The following ARHGAP28 variants were observed in gnomAD, a reference collection of about 807,000 sequenced individuals.
The protein encoded by ARHGAP28 is Rho GTPase activating protein 28.
In ARHGAP28, 56 loss-of-function variants were observed where a neutral mutation model predicts 90.7. That is an observed-to-expected ratio of 0.62 (90% CI 0.50 to 0.77). The LOEUF (loss-of-function observed/expected upper bound fraction) is 0.77, where lower values mean the gene tolerates loss of function less well. ARHGAP28 is among the 30% of genes least tolerant of loss of function. The probability of loss-of-function intolerance (pLI) is 0.00; values close to 1 mark genes in which losing one functional copy is unlikely to be tolerated. For synonymous variants in ARHGAP28, 308 were observed against 323.3 expected, an observed-to-expected ratio of 0.95 and a Z score of 0.51; for missense variants, 869 against 900.9, an observed-to-expected ratio of 0.96 and a Z score of 0.45.
chr18:6,899,097 T>G (rs368672532), intron 16 of ARHGAP28, among the ~76,000 whole-genome samples: 201 of 152,280 alleles, frequency 1.3e-3, no homozygotes, highest in African/African-American at 4.7e-3. Context: ...CTTTACTTGT[T>G]AGAACTATGG....
intron 1 of ARHGAP28, among the ~76,000 whole-genome samples, chr18:6,821,563 T>G (rs575569683): frequency 6.6e-6 from 1 of 152,334 alleles, no homozygotes; most frequent in East Asian, 1.9e-4. Context: ...TCATGGTTCC[T>G]TCTCCACCCT....
chr18:6,732,102 G>GT (rs58471366), intron 1 of ARHGAP28, among the ~76,000 whole-genome samples: 22 of 149,534 alleles, frequency 1.5e-4, no homozygotes, highest in Middle Eastern at 3.4e-3. Flanking sequence ...TGTTTTTAAG[G>GT]TTTTTTTTTT....
chr18:6,867,778 C>A (rs1339435810), intron 5 of ARHGAP28, among the ~76,000 whole-genome samples: 1 of 151,956 alleles, frequency 6.6e-6, no homozygotes, highest in Non-Finnish European at 1.5e-5. Flanking sequence ...TTATAATTAT[C>A]GAATTATATG....
At chr18:6,790,879 A>T (rs542194438) in intron 1 of ARHGAP28, 1 of 152,284 alleles carries the variant, frequency 6.6e-6, no homozygotes, top group Admixed American at 6.5e-5. Context: ...AAAAGAAGGA[A>T]TGAAAGAATG....
chr18:6,841,184 T>TCTCTCTCTCTCTCTC (rs2056815992), intron 3 of ARHGAP28, among the ~76,000 whole-genome samples: 1 of 54,364 alleles, frequency 1.8e-5, no homozygotes, highest in South Asian at 9.1e-4. Flanking sequence ...CTCTCTCCTC[T>TCTCTCTCTCTCTCTC]CTCTCTCTCT....
At chr18:6,810,749 G>C (rs2056550410) in intron 1 of ARHGAP28, among the ~76,000 whole-genome samples, 1 of 152,090 alleles carries the variant, frequency 6.6e-6, no homozygotes, top group East Asian at 1.9e-4. Context: ...CTGTGTGCTA[G>C]AGGTGGAACT....
chr18:6,888,067 G>C (rs1283323589), intron 12 of ARHGAP28, among the ~76,000 whole-genome samples: 1 of 152,160 alleles, frequency 6.6e-6, no homozygotes, highest in East Asian at 1.9e-4. Flanking sequence ...TAGAATTTCA[G>C]AATTTTAGAG....
chr18:6,885,807 T>TTG (rs2057216315), intron 11 of ARHGAP28, among the ~76,000 whole-genome samples: 1 of 150,962 alleles, frequency 6.6e-6, no homozygotes, highest in South Asian at 2.1e-4. Flanking sequence ...GAGTTGTTTT[T>TTG]TTTTTTTTTT....
rs1363082899 is a variant in ARHGAP28, at chr18:6,905,110, AAAAC to A, written c.2031-3842_2031-3839del. Among the ~76,000 whole-genome samples, 12 of 152,260 alleles carry A rather than the reference AAAAC, an allele frequency of 7.9e-5. No individual in the cohort carries two copies. In the East Asian group the frequency reaches 1.7e-3, roughly 22 times the overall value. On this transcript the variant is annotated intron_variant, in intron 16 of 17. Coordinates refer to ENST00000383472, the MANE Select transcript of ARHGAP28 (RefSeq NM_001366230.1). ...TGATACCAAAAAAAAGCCATAAAAA[AAAAC>A]AAACAAAAGCCCTACAGACCAGTAT...
Position 6,913,838 on chromosome 18 carries a change from G to A in ARHGAP28, c.*1684G>A, listed in dbSNP as rs905565412. 9.9e-5 allele frequency: 15 copies of A among 151,790 alleles called. No individual in the cohort carries two copies. The highest frequency in any genetic ancestry group is 1.8e-4 in the Non-Finnish European group (12 of 67,992). The allele number at this position is 151,790 out of a possible 1,614,324, so 9.4% of individuals were successfully genotyped here. A position where few individuals can be genotyped will look rare whatever the true frequency, so the allele number is the denominator to read the frequency against. ...ATTTTTAATGTATGGGTAATTGGTGGCACATGACTTTACATAATGACTTTC... is the reference window on the plus strand; with the variant it reads ...ATTTTTAATGTATGGGTAATTGGTGACACATGACTTTACATAATGACTTTC... On this transcript the variant is annotated 3_prime_UTR_variant, in exon 18 of 18. Transcript: ENST00000383472.
intron 2 of ARHGAP28, among the ~76,000 whole-genome samples, chr18:6,827,298 C>T (rs8083704): frequency 0.096 from 14,335 of 148,644 alleles, 998 homozygotes; most frequent in African/African-American, 0.2. Context: ...CCGGACGGGG[C>T]GGCTGGCCGG....
chr18:6,802,794 A>C (rs1333886861), intron 1 of ARHGAP28, among the ~76,000 whole-genome samples: 1 of 152,168 alleles, frequency 6.6e-6, no homozygotes, highest in African/African-American at 2.4e-5. Flanking sequence ...TTAATTTCTC[A>C]GCAATGTTTG....
At chr18:6,874,374 A>C (rs1213615233) in intron 9 of ARHGAP28, among the ~76,000 whole-genome samples, 4 of 152,212 alleles carry the variant, frequency 2.6e-5, no homozygotes, top group African/African-American at 9.6e-5. Flanking sequence ...TTCGAAAATG[A>C]TATTATCTGA....
At chr18:6,868,291 A>C in intron 6 of ARHGAP28, 57 bp downstream of exon 6, 1 of 1,461,418 alleles carries the variant, frequency 6.8e-7, no homozygotes. Context: ...TTGTTCTGGC[A>C]CTCAATACAG....
At chr18:6,831,867 T>C (rs1462865239) in intron 2 of ARHGAP28, among the ~76,000 whole-genome samples, 1 of 152,136 alleles carries the variant, frequency 6.6e-6, no homozygotes, top group African/African-American at 2.4e-5. Context: ...TTGTAAACTT[T>C]CTGTAAATGC....
intron 1 of ARHGAP28, among the ~76,000 whole-genome samples, chr18:6,771,492 C>T (rs1040469962): frequency 3.3e-5 from 5 of 152,108 alleles, no homozygotes; most frequent in African/African-American, 7.2e-5. Flanking sequence ...AAAGCAAGAG[C>T]GTTCCTTAGA....
At chr18:6,838,326 A>G (rs912260812) in intron 3 of ARHGAP28, among the ~76,000 whole-genome samples, 12 of 152,236 alleles carry the variant, frequency 7.9e-5, no homozygotes, top group African/African-American at 2.9e-4. Flanking sequence ...CAATAATGGC[A>G]TACATTAAAA....
At chr18:6,876,054 T>C in intron 9 of ARHGAP28, 77 bp from the exon 10 acceptor site, 1 of 1,163,214 alleles carries the variant, frequency 8.6e-7, no homozygotes, top group Non-Finnish European at 1.3e-6. Flanking sequence ...TATTGATTCA[T>C]GTCATCATTG....
intron 3 of ARHGAP28, among the ~76,000 whole-genome samples, chr18:6,841,155 CTTT>C (rs1211106670): frequency 9.0e-6 from 1 of 111,100 alleles, no homozygotes; most frequent in Admixed American, 9.5e-5. Context: ...TCTCTCTCCT[CTTT>C]CTCTCTCTCC....
Sources: gnomAD v4.1 joint callset for allele counts (sites outside exome capture counted in the v4.1 genomes callset) on GRCh38, gnomAD v4.1.1 for gene constraint, MANE v1.5 for transcripts, NCBI Gene and HGNC (gene_info 2026-07-23, HGNC 2026-07-21) for gene names.